ARL15: variants seen among roughly 807,000 people sequenced by gnomAD.
The protein encoded by ARL15 is ADP-ribosylation factor-like protein 15.
ARL15 carries 19 observed loss-of-function variants against 25.2 expected under a neutral mutation model. The observed-to-expected ratio is 0.75, with a 90% confidence interval of 0.53 to 1.10. ARL15 has a LOEUF of 1.10. Ranked by LOEUF, ARL15 falls within the 50% of genes least tolerant of loss-of-function variation. The pLI is 0.00. For synonymous variants in ARL15, 94 were observed against 86.8 expected (o/e 1.08, Z -0.46); for missense variants, 220 against 246.0 (o/e 0.89, Z 0.71).
intron 4 of ARL15, among the ~76,000 whole-genome samples, chr5:53,979,573 C>A (rs1038469161): frequency 6.6e-6 from 1 of 152,134 alleles, no homozygotes; most frequent in Middle Eastern, 3.4e-3. Context: ...ACAACAACAA[C>A]AAAAATCTCA....
chr5:54,255,862 A>G (rs1757349191), intron 1 of ARL15, among the ~76,000 whole-genome samples: 1 of 152,230 alleles, frequency 6.6e-6, no homozygotes, highest in Non-Finnish European at 1.5e-5. Flanking sequence ...AAATTCTTCA[A>G]GATGAATGAT....
chr5:53,985,002 A>G (rs1049055012), intron 4 of ARL15, among the ~76,000 whole-genome samples: 2 of 152,216 alleles, frequency 1.3e-5, no homozygotes, highest in African/African-American at 2.4e-5. Flanking sequence ...CACTTTTTAA[A>G]TATTGAACTT....
intron 3 of ARL15, among the ~76,000 whole-genome samples, chr5:54,131,649 C>G (rs1753441125): frequency 6.6e-6 from 1 of 152,114 alleles, no homozygotes; most frequent in East Asian, 1.9e-4. Flanking sequence ...TCTTTGATTG[C>G]TTAATTCAAG....
chr5:54,304,256 T>C (rs1438069078), intron 1 of ARL15, among the ~76,000 whole-genome samples: 1 of 152,230 alleles, frequency 6.6e-6, no homozygotes, highest in Non-Finnish European at 1.5e-5. Context: ...GCAGTTCAAC[T>C]ACTTGCTAGC....
intron 4 of ARL15, among the ~76,000 whole-genome samples, chr5:53,973,405 C>G (rs537875628): frequency 6.7e-4 from 102 of 151,996 alleles, no homozygotes; most frequent in African/African-American, 2.4e-3. Context: ...AAAACCCCAT[C>G]TCTACTAAAT....
At chr5:54,058,701 G>A (rs1349625457) in intron 4 of ARL15, among the ~76,000 whole-genome samples, 1 of 152,126 alleles carries the variant, frequency 6.6e-6, no homozygotes, top group Non-Finnish European at 1.5e-5. Flanking sequence ...GGAGCAACAG[G>A]GAGAGAGCTG....
intron 4 of ARL15, among the ~76,000 whole-genome samples, chr5:54,047,807 G>A (rs1241288131): frequency 1.3e-5 from 2 of 152,134 alleles, no homozygotes; most frequent in South Asian, 2.1e-4. Flanking sequence ...GAGTTAATTC[G>A]TTATCACATA....
Position 54,070,368 on chromosome 5 carries a change from G to A in ARL15, c.462+42834C>T, listed in dbSNP as rs1368803643. On this transcript the variant is annotated intron_variant, in intron 4 of 4. Coordinates refer to ENST00000504924, the MANE Select transcript of ARL15 (RefSeq NM_019087.3). Reference sequence around the variant, plus strand: ...GATCGCGCCACTGCACCCCAGCCTGGGCGACAGAGCGAGACTCCGTCTCAA... The same window carrying A: ...GATCGCGCCACTGCACCCCAGCCTGAGCGACAGAGCGAGACTCCGTCTCAA... 1.5e-4 allele frequency among the ~76,000 whole-genome samples: 23 copies of A among 151,756 alleles called. No homozygotes were observed. In the South Asian group the frequency reaches 4.8e-3, roughly 32 times the overall value.
chr5:54,092,850 T>C (rs1205686667), intron 4 of ARL15, among the ~76,000 whole-genome samples: 2 of 152,198 alleles, frequency 1.3e-5, no homozygotes, highest in Non-Finnish European at 2.9e-5. Context: ...TTAGATGTAT[T>C]TTAAATAGGA....
intron 4 of ARL15, among the ~76,000 whole-genome samples, chr5:54,104,901 C>T (rs1440852791): frequency 6.6e-6 from 1 of 151,888 alleles, no homozygotes; most frequent in Non-Finnish European, 1.5e-5. Context: ...TCTCTTGCTC[C>T]ATTAAGAAAA....
chr5:54,263,860 T>C (rs1757558948), intron 1 of ARL15, among the ~76,000 whole-genome samples: 1 of 152,096 alleles, frequency 6.6e-6, no homozygotes, highest in African/African-American at 2.4e-5. Context: ...AAGATCATCT[T>C]CTTTGCTCCC....
chr5:53,946,455 G>GA (rs55727717), intron 4 of ARL15, among the ~76,000 whole-genome samples: 17,288 of 43,460 alleles, frequency 0.4, 3,352 homozygotes, highest in East Asian at 0.49. Flanking sequence ...GTCTCAAGAG[G>GA]AAAAAAAAAA....
At chr5:54,238,739 T>C (rs1248390883) in intron 1 of ARL15, among the ~76,000 whole-genome samples, 3 of 152,154 alleles carry the variant, frequency 2.0e-5, no homozygotes, top group Non-Finnish European at 4.4e-5. Context: ...ACAGATCAGG[T>C]TGTTGTAATA....
rs111280336 is a variant in ARL15, at chr5:54,285,287, G to A, written c.48+25145C>T. ...TGTTTAAGAGAGGTCTATAGAAAAA[G>A]AATGCCTAAGACAGAAAAAGAATAC... On this transcript the variant is annotated intron_variant, in intron 1 of 4. Transcript: ENST00000504924. 1,158 of 783,790 alleles carry A rather than the reference G, an allele frequency of 1.5e-3. 12 individuals carry two copies. The African/African-American group carries it at 0.02, about 14-fold the overall frequency. 48.6% of individuals were successfully genotyped at this position (783,790 alleles called of 1,614,324 possible).
chr5:54,070,391 CA>C (rs942784473), intron 4 of ARL15, among the ~76,000 whole-genome samples: 66 of 142,886 alleles, frequency 4.6e-4, no homozygotes, highest in Admixed American at 1.1e-3. Context: ...GACTCCGTCT[CA>C]AAAAAAAAAA....
At chr5:54,101,658 T>G (rs111499424) in intron 4 of ARL15, among the ~76,000 whole-genome samples, 6 of 152,246 alleles carry the variant, frequency 3.9e-5, no homozygotes, top group African/African-American at 1.4e-4. Context: ...AAGATAGCTA[T>G]AGTGCTCAAA....
intron 4 of ARL15, among the ~76,000 whole-genome samples, chr5:54,044,370 A>T (rs1187265299): frequency 6.6e-6 from 1 of 151,462 alleles, no homozygotes; most frequent in Non-Finnish European, 1.5e-5. Context: ...TAGCCTCCCA[A>T]GTAGCTAGGA....
intron 4 of ARL15, among the ~76,000 whole-genome samples, chr5:53,910,673 A>ATAT (rs1491571617): frequency 8.6e-5 from 12 of 139,618 alleles, no homozygotes; most frequent in South Asian, 2.2e-4. Flanking sequence ...ATATATATAT[A>ATAT]AAGAAAACGT....
chr5:54,005,987 T>C (rs1007405173), intron 4 of ARL15, among the ~76,000 whole-genome samples: 1 of 147,562 alleles, frequency 6.8e-6, no homozygotes, highest in Non-Finnish European at 1.5e-5. Flanking sequence ...GAGGTGGAGG[T>C]TGCATTGAGC....
Sources: allele counts gnomAD v4.1 joint callset (sites outside exome capture counted in the v4.1 genomes callset), GRCh38; gene constraint gnomAD v4.1.1; transcripts MANE v1.5; gene names NCBI Gene and HGNC (gene_info 2026-07-23, HGNC 2026-07-21).